Variants in PTPN4 observed in about 807,000 individuals in gnomAD.
The protein encoded by PTPN4 is tyrosine-protein phosphatase non-receptor type 4.
In PTPN4, 49 loss-of-function variants were observed where a neutral mutation model predicts 135.5. That is an observed-to-expected ratio of 0.36 (90% CI 0.29 to 0.46). PTPN4 has a LOEUF of 0.46. PTPN4 is among the 20% of genes least tolerant of loss of function. PTPN4 has a pLI of 1.00. For missense variants in PTPN4, 860 were observed against 1,101.0 expected (o/e 0.78, Z 3.10); for synonymous variants, 333 against 369.9 (o/e 0.90, Z 1.14).
chr2:119,828,806 C>G (rs540322124), intron 2 of PTPN4, among the ~76,000 whole-genome samples: 16 of 152,318 alleles, frequency 1.1e-4, no homozygotes, highest in East Asian at 9.6e-4. Context: ...TTCCCAACAT[C>G]TTTTCACTTT....
At chr2:119,811,076 G>A (rs541175046) in intron 2 of PTPN4, among the ~76,000 whole-genome samples, 1 of 151,914 alleles carries the variant, frequency 6.6e-6, no homozygotes, top group South Asian at 2.1e-4. Flanking sequence ...ACCGGGGCCA[G>A]TCGGGGGATT....
intron 1 of PTPN4, among the ~76,000 whole-genome samples, chr2:119,781,534 C>A (rs187592940): frequency 6.6e-6 from 1 of 152,116 alleles, no homozygotes; most frequent in Non-Finnish European, 1.5e-5. Flanking sequence ...TTATAAAGTT[C>A]GGAGTTTTTT....
chr2:119,852,012 C>T (rs1377645024), intron 2 of PTPN4, among the ~76,000 whole-genome samples: 1 of 152,162 alleles, frequency 6.6e-6, no homozygotes. Flanking sequence ...AGGTTTTGGT[C>T]TGTGAGGAAT....
At chr2:119,893,756 A>G (rs538978191) in intron 9 of PTPN4, among the ~76,000 whole-genome samples, 1 of 152,262 alleles carries the variant, frequency 6.6e-6, no homozygotes, top group East Asian at 1.9e-4. Context: ...AAGCCAAGTA[A>G]ATCAGGAGCA....
intron 1 of PTPN4, among the ~76,000 whole-genome samples, chr2:119,760,946 C>G (rs1327571040): frequency 6.7e-6 from 1 of 148,168 alleles, no homozygotes; most frequent in Non-Finnish European, 1.5e-5. Context: ...TAAAATGGAA[C>G]AGCTTACAGT....
intron 16 of PTPN4, among the ~76,000 whole-genome samples, chr2:119,945,803 C>T (rs1056258490): frequency 2.0e-4 from 30 of 151,838 alleles, no homozygotes; most frequent in Admixed American, 1.8e-3. Flanking sequence ...CTAATGGATA[C>T]AAGATTTCTT....
At chr2:119,792,728 AAG>A (rs1691171577) in intron 1 of PTPN4, among the ~76,000 whole-genome samples, 1 of 152,126 alleles carries the variant, frequency 6.6e-6, no homozygotes, top group Non-Finnish European at 1.5e-5. Flanking sequence ...TATTTTCCCT[AAG>A]TGTCAGCCGG....
intron 2 of PTPN4, among the ~76,000 whole-genome samples, chr2:119,827,039 T>C (rs546793308): frequency 1.3e-5 from 2 of 152,218 alleles, no homozygotes; most frequent in South Asian, 4.1e-4. Flanking sequence ...AAAAATAAAA[T>C]AGTTTTTTAG....
At chr2:119,764,346 C>T in intron 1 of PTPN4, among the ~76,000 whole-genome samples, 1 of 152,172 alleles carries the variant, frequency 6.6e-6, no homozygotes, top group Non-Finnish European at 1.5e-5. Context: ...CAAATTAATC[C>T]CAAATTTACC....
intron 5 of PTPN4, among the ~76,000 whole-genome samples, chr2:119,878,689 C>CTTT (rs74600465): frequency 0.019 from 2,415 of 129,746 alleles, 75 homozygotes; most frequent in African/African-American, 0.06. Context: ...GCAGGTGTTC[C>CTTT]TTTTTTTTTT....
At chr2:119,876,897 ATGTGTGTGTGTGTGTGTGTGTGTGTGTG>A (rs3835789) in intron 3 of PTPN4, among the ~76,000 whole-genome samples, 3 of 136,138 alleles carry the variant, frequency 2.2e-5, no homozygotes, top group East Asian at 2.2e-4. Flanking sequence ...GCCCAAGAGC[ATGTGTGTGTGTGTGTGTGTGTGTGTGTG>A]TGTGTGTGTG....
chr2:119,861,378 C>G (rs556897775), intron 2 of PTPN4, among the ~76,000 whole-genome samples: 57 of 152,282 alleles, frequency 3.7e-4, no homozygotes, highest in African/African-American at 1.1e-3. Flanking sequence ...ATTTTCAACA[C>G]ATGAATTCTA....
rs1280841720 is a variant in PTPN4, at chr2:119,918,405, G to A, written c.829-1664G>A. Among the ~76,000 whole-genome samples the A allele has an allele frequency of 3.9e-5, 6 of 152,128 alleles. No individual in the cohort carries two copies. In the East Asian group the frequency reaches 7.7e-4, roughly 20 times the overall value. On this transcript the variant is annotated intron_variant, in intron 11 of 26. Coordinates refer to ENST00000263708, the MANE Select transcript of PTPN4 (RefSeq NM_002830.4). ...ATCACTAAGAGAGTGAAATAGTATA[G>A]ACCATTATATAATACACACAGAATC... is the stretch of plus-strand genomic sequence containing the variant.
intron 1 of PTPN4, among the ~76,000 whole-genome samples, chr2:119,774,152 A>G (rs889941646): frequency 1.3e-5 from 2 of 152,152 alleles, no homozygotes; most frequent in African/African-American, 4.8e-5. Flanking sequence ...TTTTTTAGCT[A>G]TGTTTCATCA....
chr2:119,886,024 A>G (rs1558754886), intron 9 of PTPN4, 142 bp downstream of exon 9: 2 of 542,776 alleles, frequency 3.7e-6, no homozygotes, highest in Non-Finnish European at 6.4e-6. Flanking sequence ...GAATTTAAGT[A>G]TTTTCACAAT....
In PTPN4 at chr2:119,934,878, T is replaced by A. The variant is rs1439130502; in HGVS notation, c.1275T>A (p.His425Gln). The change falls in exon 15 of 27, where the codon CAT (histidine) becomes CAA (glutamine). Residue 425 changes from histidine (H) to glutamine (Q), a missense_variant. His to Gln is a conservative substitution (Grantham distance 24). This residue lies in a region of PTPN4 where 684 missense variants were observed against 807.0 expected (regional missense o/e 0.85). Coordinates refer to ENST00000263708, the MANE Select transcript of PTPN4 (RefSeq NM_002830.4). ...GTCATTTGGTAGACCATATGGTTCA[T>A]ACTTCCCCAAGCGAAGTGTTTGTAA... ...SVGHLVDHMVHTSPSEVFVNQ... is the reference protein window; with the variant it reads ...SVGHLVDHMVQTSPSEVFVNQ... The A allele has an allele frequency of 1.2e-6, 2 of 1,613,502 alleles. No individual in the cohort carries two copies. Among genetic ancestry groups the A allele is most frequent in the South Asian group, 1.1e-5 (1 of 91,066 alleles).
At chr2:119,874,448 G>A (rs1677957183) in intron 3 of PTPN4, among the ~76,000 whole-genome samples, 1 of 152,160 alleles carries the variant, frequency 6.6e-6, no homozygotes, top group South Asian at 2.1e-4. Flanking sequence ...AAAAAGGAAT[G>A]AGTTATTGTT....
At chr2:119,972,041 G>A (rs1006459454) in intron 26 of PTPN4, among the ~76,000 whole-genome samples, 1 of 152,092 alleles carries the variant, frequency 6.6e-6, no homozygotes, top group African/African-American at 2.4e-5. Context: ...CATCATTACT[G>A]TAGCTTTGTT....
chr2:119,766,957 A>G (rs1690641084), intron 1 of PTPN4, among the ~76,000 whole-genome samples: 1 of 152,212 alleles, frequency 6.6e-6, no homozygotes, highest in Non-Finnish European at 1.5e-5. Context: ...TGAGCCAGGT[A>G]TTTTGCTAGA....
Sources: allele counts gnomAD v4.1 joint callset (sites outside exome capture counted in the v4.1 genomes callset), GRCh38; gene constraint gnomAD v4.1.1; regional missense constraint gnomAD v4.1.1; transcripts MANE v1.5; gene names NCBI Gene and HGNC (gene_info 2026-07-23, HGNC 2026-07-21).